Variants in TENM1 observed in about 807,000 individuals in gnomAD.
TENM1 encodes the protein teneurin-1.
A neutral mutation model predicts 174.8 loss-of-function variants in TENM1; 35 were observed. The ratio of observed to expected loss-of-function variants is 0.20; its 90% CI spans 0.15 to 0.27. The LOEUF (loss-of-function observed/expected upper bound fraction) is 0.27, where lower values mean the gene tolerates loss of function less well. TENM1 is among the 10% of genes least tolerant of loss of function. The pLI is 1.00. For synonymous variants in TENM1, 781 were observed against 798.7 expected (o/e 0.98, Z 0.37); for missense variants, 1,633 against 2,130.1 (o/e 0.77, Z 4.59).
At chrX:125,087,970 T>G in the TENM1 span, among the ~76,000 whole-genome samples, 4 of 111,158 alleles carry the variant, frequency 3.6e-5, no homozygotes, top group African/African-American at 1.3e-4. Context: ...CTGCACATAA[T>G]GACTTCCTTC....
At chrX:125,133,336 T>A in the TENM1 span, among the ~76,000 whole-genome samples, 3 of 111,838 alleles carry the variant, frequency 2.7e-5, no homozygotes. Flanking sequence ...AGGCCACTGG[T>A]AATTCTTCAA....
chrX:124,621,593 T>C (rs764884298), intron 11 of TENM1, among the ~76,000 whole-genome samples: 1 of 112,572 alleles, frequency 8.9e-6, no homozygotes, highest in Admixed American at 9.4e-5. Flanking sequence ...TTAAATAATT[T>C]TCTGCATGAA....
chrX:124,400,373 T>C (rs966751057), intron 27 of TENM1, among the ~76,000 whole-genome samples: 1 of 111,826 alleles, frequency 8.9e-6, no homozygotes, highest in African/African-American at 3.2e-5. Flanking sequence ...CCTGAGACCC[T>C]GTGTTCAACC....
Position 124,809,007 on chromosome X carries a change from TA to T in TENM1, c.536-71811del, listed in dbSNP as rs773107416. ...ACTAGCAGAAATAAAATAGAAATTA[TA>T]AAAACAACTGAAAAGATGAATGAAA... On this transcript the variant is annotated intron_variant, in intron 3 of 31. Transcript: ENST00000422452. Among the ~76,000 whole-genome samples, 690 of 110,679 alleles carry T rather than the reference TA, an allele frequency of 6.2e-3. 6 individuals carry two copies. Among genetic ancestry groups the T allele is most frequent in the African/African-American group, 0.022 (660 of 30,524 alleles).
At chrX:124,850,233 AC>A (rs1182332322) in intron 3 of TENM1, among the ~76,000 whole-genome samples, 2 of 112,002 alleles carry the variant, frequency 1.8e-5, no homozygotes, top group African/African-American at 6.5e-5. Context: ...CAAATCTGTT[AC>A]ATTTTCCAGC....
chrX:125,143,170 G>A, the TENM1 span, among the ~76,000 whole-genome samples: 1 of 111,672 alleles, frequency 9.0e-6, no homozygotes, highest in Non-Finnish European at 1.9e-5. Context: ...CCCAGAGTGT[G>A]TACGTCTATT....
chrX:124,796,431 A>T (rs1172425656), intron 3 of TENM1, among the ~76,000 whole-genome samples: 1 of 111,750 alleles, frequency 8.9e-6, no homozygotes, highest in Non-Finnish European at 1.9e-5. Context: ...TCCACCAGGG[A>T]TCACTATTTT....
intron 3 of TENM1, among the ~76,000 whole-genome samples, chrX:124,777,951 T>G (rs937022474): frequency 1.8e-5 from 2 of 112,754 alleles, no homozygotes; most frequent in Non-Finnish European, 3.7e-5. Flanking sequence ...TGTAAATGAA[T>G]GAACACAGCT....
At chrX:124,788,711 A>G (rs2055103153) in intron 3 of TENM1, among the ~76,000 whole-genome samples, 1 of 112,890 alleles carries the variant, frequency 8.9e-6, no homozygotes, top group Admixed American at 9.3e-5. Flanking sequence ...TCACACTGAT[A>G]TAAGAGGTGG....
chrX:124,458,181 G>A (rs952660313), intron 22 of TENM1, among the ~76,000 whole-genome samples: 7 of 112,044 alleles, frequency 6.2e-5, no homozygotes, highest in Admixed American at 5.7e-4. Flanking sequence ...TACTATATGT[G>A]TGGTATATAT....
chrX:124,936,001 T>C (rs2058239432), intron 1 of TENM1, among the ~76,000 whole-genome samples: 1 of 111,938 alleles, frequency 8.9e-6, no homozygotes, highest in Non-Finnish European at 1.9e-5. Flanking sequence ...CTGCAGTAAC[T>C]TGATAACTGA....
chrX:124,760,487 G>T (rs369502785), intron 3 of TENM1, among the ~76,000 whole-genome samples: 1 of 111,385 alleles, frequency 9.0e-6, no homozygotes, highest in African/African-American at 3.3e-5. Flanking sequence ...GTGCGAGAGG[G>T]CATCCCCGTC....
chrX:124,567,216 C>G (rs2048961152), intron 11 of TENM1, among the ~76,000 whole-genome samples: 1 of 111,117 alleles, frequency 9.0e-6, no homozygotes, highest in African/African-American at 3.3e-5. Flanking sequence ...CAGGCCAGGA[C>G]TGGAGATATA....
At chrX:125,120,366 A>G in the TENM1 span, among the ~76,000 whole-genome samples, 101 of 110,995 alleles carry the variant, frequency 9.1e-4, no homozygotes, top group African/African-American at 1.5e-3. Context: ...CAGGTTTGTT[A>G]CATAGGTAAG....
intron 22 of TENM1, among the ~76,000 whole-genome samples, chrX:124,462,446 T>TGGGGGGGG (rs2061188634): frequency 3.0e-4 from 2 of 6,574 alleles, no homozygotes; most frequent in African/African-American, 6.6e-4. Flanking sequence ...GGGGTGGGGG[T>TGGGGGGGG]GGGGGGGAGG....
At chrX:124,935,237 A>G (rs1209709486) in intron 1 of TENM1, among the ~76,000 whole-genome samples, 1 of 107,142 alleles carries the variant, frequency 9.3e-6, no homozygotes, top group Non-Finnish European at 1.9e-5. Context: ...GATGATTCTG[A>G]TATTATGGAC....
At chrX:124,424,899 C>A (rs2060694059) in intron 23 of TENM1, among the ~76,000 whole-genome samples, 1 of 110,929 alleles carries the variant, frequency 9.0e-6, no homozygotes, top group Non-Finnish European at 1.9e-5. Flanking sequence ...TGAGGCCTCC[C>A]TAAAAGCCAA....
chrX:124,808,371 TACA>T (rs1215921211), intron 3 of TENM1, among the ~76,000 whole-genome samples: 1 of 111,567 alleles, frequency 9.0e-6, no homozygotes, highest in Admixed American at 9.5e-5. Flanking sequence ...TAGACTGCAA[TACA>T]ACAATAATAG....
At chrX:124,814,550 C>T (rs1478454779) in intron 3 of TENM1, among the ~76,000 whole-genome samples, 1 of 110,603 alleles carries the variant, frequency 9.0e-6, no homozygotes, top group Non-Finnish European at 1.9e-5. Flanking sequence ...GTTTCCATAT[C>T]AGCTGACTCT....
Sources: allele counts gnomAD v4.1 joint callset (sites outside exome capture counted in the v4.1 genomes callset), GRCh38; gene constraint gnomAD v4.1.1; transcripts MANE v1.5; gene names NCBI Gene and HGNC (gene_info 2026-07-23, HGNC 2026-07-21).